CACNA1A: variants seen among roughly 807,000 people sequenced by gnomAD.
The protein encoded by CACNA1A is calcium voltage-gated channel subunit alpha1 A.
Under a neutral mutation model 262.4 loss-of-function variants are expected in CACNA1A, and 57 were observed. That is an observed-to-expected ratio of 0.22 (90% confidence interval 0.18 to 0.27). The LOEUF (loss-of-function observed/expected upper bound fraction) is 0.27, where lower values mean the gene tolerates loss of function less well. Ranked by LOEUF, CACNA1A falls within the 10% of genes least tolerant of loss-of-function variation. CACNA1A has a pLI of 1.00. For missense variants in CACNA1A, 2,526 were observed against 3,562.8 expected (o/e 0.71, Z 7.41); for synonymous variants, 1,431 against 1,419.3 (o/e 1.01, Z -0.18).
chr19:13,241,530 G>T lies in CACNA1A; in HGVS notation c.4950+3652C>A. 1 of 1,042,456 alleles carries T rather than the reference G, an allele frequency of 9.6e-7. No individual in the cohort carries two copies. The highest frequency in any genetic ancestry group is 1.3e-6 in the Non-Finnish European group (1 of 752,854). 64.6% of individuals were successfully genotyped at this position (1,042,456 alleles called of 1,614,324 possible). A position where few individuals can be genotyped will look rare whatever the true frequency, so the allele number is the denominator to read the frequency against. ...AAGAAGTAAGACCAACCGGATTCTA[G>T]ATGCAGATGTTGAAGATGAGGGGGA... is the stretch of plus-strand genomic sequence containing the variant. On this transcript the variant is annotated intron_variant, in intron 31 of 46. Coordinates refer to ENST00000360228, the MANE Select transcript of CACNA1A (RefSeq NM_001127222.2). This position sits in a 1 kb window ranked among gnomAD's most constrained non-coding sequence, Gnocchi z 4.0.
At chr19:13,269,779 G>GAC (rs146631558) in intron 24 of CACNA1A, among the ~76,000 whole-genome samples, 241 of 152,186 alleles carry the variant, frequency 1.6e-3, no homozygotes, top group African/African-American at 3.7e-3. Context: ...AATTGAGCAG[G>GAC]ACACACACAC....
intron 6 of CACNA1A, among the ~76,000 whole-genome samples, chr19:13,357,723 G>C (rs1256793925): frequency 6.6e-6 from 1 of 152,172 alleles, no homozygotes; most frequent in Non-Finnish European, 1.5e-5. Flanking sequence ...ATGCATTTAG[G>C]CTGGGTGCAG....
chr19:13,464,759 AG>A (rs1451738042), intron 1 of CACNA1A, among the ~76,000 whole-genome samples: 3 of 151,574 alleles, frequency 2.0e-5, no homozygotes, highest in Admixed American at 1.3e-4. Context: ...CGTGTTAGCC[AG>A]GGTGGTCTCG....
Position 13,207,441 on chromosome 19 carries a change from G to T in CACNA1A, c.7393C>A (p.Pro2465Thr). ...GGGAGTCGCCGGCCGTGCCGAGAAG[G>T]CGAGGCGCAGGCCGGGCCCGAGGCC... ...PRASGPACAS[P>T]SRHGRRLPNG... The change falls in exon 47 of 47, where the codon CCT becomes ACT. Residue 2465 changes from proline (P) to threonine (T), a missense_variant. Pro to Thr is a conservative substitution (Grantham distance 38, BLOSUM62 -1). This residue lies in a region of CACNA1A where 929 missense variants were observed against 868.1 expected (regional missense o/e 1.07). Transcript: ENST00000360228. This position sits in a 1 kb window ranked among gnomAD's most constrained non-coding sequence, Gnocchi z 5.7. 2 of 1,516,488 alleles carry T rather than the reference G, an allele frequency of 1.3e-6. No homozygotes were observed. Among genetic ancestry groups the T allele is most frequent in the Non-Finnish European group, 1.8e-6 (2 of 1,135,814 alleles). 93.9% of individuals were successfully genotyped at this position (1,516,488 alleles called of 1,614,324 possible).
intron 19 of CACNA1A, among the ~76,000 whole-genome samples, chr19:13,293,387 G>C (rs1229905014): frequency 6.7e-6 from 1 of 148,306 alleles, no homozygotes; most frequent in Non-Finnish European, 1.5e-5. Flanking sequence ...TGAGCTCTTG[G>C]TATAAGCCAG....
At chr19:13,244,254 G>T (rs12052059) in intron 31 of CACNA1A, 1 of 152,002 alleles carries the variant, frequency 6.6e-6, no homozygotes, top group Non-Finnish European at 1.5e-5. Context: ...CACCAGTGAG[G>T]TCTGCATTTG....
intron 4 of CACNA1A, among the ~76,000 whole-genome samples, chr19:13,370,299 C>T (rs2059298972): frequency 1.3e-5 from 2 of 152,002 alleles, no homozygotes; most frequent in Non-Finnish European, 2.9e-5. Context: ...CGGGGTTTCC[C>T]CATTTTGGCC....
intron 5 of CACNA1A, chr19:13,363,706 C>T (rs2059154743): frequency 6.6e-6 from 1 of 152,058 alleles, no homozygotes; most frequent in South Asian, 2.1e-4. Flanking sequence ...GCTGCCTTTC[C>T]CAAATAAGGG....
intron 3 of CACNA1A, among the ~76,000 whole-genome samples, chr19:13,406,989 A>G (rs2060024321): frequency 6.6e-6 from 1 of 151,798 alleles, no homozygotes; most frequent in South Asian, 2.1e-4. Context: ...GTACACACAT[A>G]CCCACACACA....
rs746133558 is a variant in CACNA1A at position 13,334,991 on chromosome 19, C to T, written c.1083-498G>A. Among the ~76,000 whole-genome samples the T allele has an allele frequency of 1.5e-4, 23 of 151,560 alleles. No individual in the cohort carries two copies. The South Asian group carries it at 2.3e-3, about 15-fold the overall frequency. ...CTAGGTTACAGTGAGCTATGATCGC[C>T]CCCTACACTCCAGTCTGGGTAATAA... On this transcript the variant is annotated intron_variant, in intron 7 of 46. Transcript: ENST00000360228.
chr19:13,339,582 A>G (rs1315592370), intron 6 of CACNA1A, among the ~76,000 whole-genome samples: 1 of 152,212 alleles, frequency 6.6e-6, no homozygotes, highest in African/African-American at 2.4e-5. Context: ...TGTTCCTAAC[A>G]GAAAGAAACA....
rs144162274 is a variant in CACNA1A, at chr19:13,339,305, T to C, written c.979-3396A>G. Among the ~76,000 whole-genome samples the C allele has an allele frequency of 3.2e-4, 49 of 152,294 alleles. No individual in the cohort carries two copies. In the East Asian group the frequency reaches 8.7e-3, roughly 27 times the overall value. ...GGAAAATCCTGTATGATTCCATTTA[T>C]AGGAGGTCCCTAGAGTCGTCAGATT... On this transcript the variant is annotated intron_variant, in intron 6 of 46. Coordinates refer to ENST00000360228, the MANE Select transcript of CACNA1A (RefSeq NM_001127222.2).
At chr19:13,371,405 T>A (rs1457356203) in intron 4 of CACNA1A, 1 of 367,080 alleles carries the variant, frequency 2.7e-6, no homozygotes, top group Non-Finnish European at 5.0e-6. Flanking sequence ...ATCAACTTCA[T>A]AGGGCTGTGA....
At chr19:13,472,437 G>T (rs181783980) in intron 1 of CACNA1A, among the ~76,000 whole-genome samples, 79 of 152,236 alleles carry the variant, frequency 5.2e-4, no homozygotes, top group Admixed American at 1.7e-3. Context: ...GTAGAATAAA[G>T]TTCACCTCCG....
chr19:13,427,863 G>C (rs1407700293), intron 3 of CACNA1A, among the ~76,000 whole-genome samples: 1 of 152,076 alleles, frequency 6.6e-6, no homozygotes, highest in Admixed American at 6.6e-5. Flanking sequence ...CTACCACTCC[G>C]TAGCTGTGTG....
chr19:13,393,635 GCTTTCT>G lies in CACNA1A; in HGVS notation c.540-21862_540-21857del, dbSNP rs1568602349. ...CTTCCTTCCTTTTTTTCTTTCTTTAGCTTTCTCTTTCTTTCTCTGTCTTCCTCTTTT... is the reference window on the plus strand; with the variant it reads ...CTTCCTTCCTTTTTTTCTTTCTTTAGCTTTCTTTCTCTGTCTTCCTCTTTT... On this transcript the variant is annotated intron_variant, in intron 3 of 46. Transcript: ENST00000360228. Among the ~76,000 whole-genome samples, 4 of 132,154 alleles carry G rather than the reference GCTTTCT, an allele frequency of 3.0e-5. No individual in the cohort carries two copies. In the South Asian group the frequency reaches 7.3e-4, roughly 24 times the overall value. The allele number at this position is 132,154 out of a possible 152,430, so 86.7% of individuals were successfully genotyped here. A position where few individuals can be genotyped will look rare whatever the true frequency, so the allele number is the denominator to read the frequency against.
chr19:13,504,525 C>T (rs1982780854), intron 1 of CACNA1A, among the ~76,000 whole-genome samples: 2 of 152,146 alleles, frequency 1.3e-5, no homozygotes, highest in Non-Finnish European at 1.5e-5. Flanking sequence ...CTCTACCACC[C>T]GCCATGCTCC....
intron 3 of CACNA1A, among the ~76,000 whole-genome samples, chr19:13,429,204 A>ACC (rs1010244192): frequency 5.7e-5 from 8 of 140,140 alleles, no homozygotes; most frequent in Admixed American, 3.5e-4. Flanking sequence ...ACACACACAC[A>ACC]CACCCCTCTT....
intron 7 of CACNA1A, among the ~76,000 whole-genome samples, chr19:13,334,948 C>G (rs902932316): frequency 6.6e-6 from 1 of 151,584 alleles, no homozygotes; most frequent in Non-Finnish European, 1.5e-5. Context: ...GCAGGAGGAT[C>G]GCTTGTGCCT....
Sources: allele counts gnomAD v4.1 joint callset (sites outside exome capture counted in the v4.1 genomes callset), GRCh38; gene constraint gnomAD v4.1.1; regional missense constraint gnomAD v4.1.1; non-coding constraint Gnocchi (gnomAD v3.1); transcripts MANE v1.5; gene names NCBI Gene and HGNC (gene_info 2026-07-23, HGNC 2026-07-21).